HSF2BP: variants seen among roughly 807,000 people sequenced by gnomAD.
The protein encoded by HSF2BP is heat shock transcription factor 2 binding protein.
HSF2BP carries 35 observed loss-of-function variants against 35.0 expected under a neutral mutation model. That is an observed-to-expected ratio of 1.00 (90% confidence interval 0.76 to 1.32). The LOEUF is 1.32. Among genes scored for constraint, HSF2BP ranks in the 40% most tolerant of loss-of-function variants. The pLI, the probability that HSF2BP is intolerant of heterozygous loss-of-function variation, is 0.00. For missense variants in HSF2BP, 326 were observed against 321.7 expected (o/e 1.01, Z -0.10); for synonymous variants, 114 against 117.4 (o/e 0.97, Z 0.18).
At chr21:43,637,651 TA>T (rs1395753083) in intron 4 of HSF2BP, among the ~76,000 whole-genome samples, 6,561 of 141,792 alleles carry the variant, frequency 0.046, 453 homozygotes, top group African/African-American at 0.15. Flanking sequence ...TACAAAAACT[TA>T]AAAAAAAAAA....
chr21:43,614,229 T>C (rs1324616954), intron 6 of HSF2BP, among the ~76,000 whole-genome samples: 5 of 151,490 alleles, frequency 3.3e-5, no homozygotes, highest in African/African-American at 1.2e-4. Flanking sequence ...CCGGGCACGG[T>C]GTGTGCACCT....
intron 6 of HSF2BP, among the ~76,000 whole-genome samples, chr21:43,619,777 G>C (rs988189913): frequency 2.0e-5 from 3 of 152,250 alleles, no homozygotes; most frequent in African/African-American, 7.2e-5. Context: ...CAGAGGCAAA[G>C]TGGGGAAGCA....
rs187488912 is a variant in HSF2BP, at chr21:43,597,253, G to A, written c.693-4925C>T. ...GCTCAGGTATGAGTCAGGCAAAGCT[G>A]ACAGCCAGCTAGGACACACATAATT... On this transcript the variant is annotated intron_variant, in intron 7 of 8. Transcript: ENST00000291560. The surrounding 1 kb of genome is among the most constrained non-coding windows in gnomAD (Gnocchi z 4.3). 2.2e-3 allele frequency among the ~76,000 whole-genome samples: 338 copies of A among 152,250 alleles called. 3 individuals carry two copies. Among genetic ancestry groups the A allele is most frequent in the African/African-American group, 7.8e-3 (323 of 41,548 alleles).
rs760742267 is a variant in HSF2BP at position 43,656,617 on chromosome 21, T to C, written c.157A>G (p.Ser53Gly). The change falls in exon 3 of 9, where the codon AGC (serine) becomes GGC (glycine). Residue 53 changes from serine to glycine, a missense_variant. Physicochemically the swap from Ser to Gly is moderately conservative, Grantham distance 56 (BLOSUM62 0). Coordinates refer to ENST00000291560, the MANE Select transcript of HSF2BP (RefSeq NM_007031.2). ...PRILNGEVLE[S>G]FQKLKIVEKN... ...TCTACAATCTTTAATTTCTGGAAGC[T>C]CTCCAGCACCTCCCCATTTAGTATT... 4 of 1,609,884 alleles carry C rather than the reference T, an allele frequency of 2.5e-6. No individual in the cohort carries two copies. The highest frequency in any genetic ancestry group is 2.5e-6 in the Non-Finnish European group (3 of 1,179,068).
chr21:43,614,963 T>TC (rs2082253039), intron 6 of HSF2BP, among the ~76,000 whole-genome samples: 1 of 152,198 alleles, frequency 6.6e-6, no homozygotes, highest in African/African-American at 2.4e-5. Flanking sequence ...ACAGCAAGTA[T>TC]CCCATTTCTT....
At chr21:43,596,011 C>T (rs549345740) in intron 7 of HSF2BP, among the ~76,000 whole-genome samples, 7 of 152,014 alleles carry the variant, frequency 4.6e-5, no homozygotes, top group South Asian at 2.1e-4. Context: ...TGAGCCACCA[C>T]GCCCGGCAAG....
chr21:43,621,471 G>C (rs1372719256), intron 6 of HSF2BP, among the ~76,000 whole-genome samples: 1 of 151,974 alleles, frequency 6.6e-6, no homozygotes, highest in Non-Finnish European at 1.5e-5. Flanking sequence ...AGGCTGCAGT[G>C]AGCCGAGACT....
intron 6 of HSF2BP, among the ~76,000 whole-genome samples, chr21:43,618,961 A>G (rs2082302094): frequency 6.6e-6 from 1 of 151,988 alleles, no homozygotes; most frequent in Non-Finnish European, 1.5e-5. Context: ...AGAAAAAAAA[A>G]AAAGAAAAAA....
chr21:43,604,332 ACACAC>A (rs2146858329), intron 7 of HSF2BP, among the ~76,000 whole-genome samples: 1 of 141,536 alleles, frequency 7.1e-6, no homozygotes, highest in African/African-American at 2.7e-5. Context: ...CACCACACAC[ACACAC>A]ATCACGCACA....
rs1220763853 is a variant in HSF2BP, at chr21:43,601,806, TAC to T, written c.693-9480_693-9479del. Among the ~76,000 whole-genome samples, 6 of 152,344 alleles carry T rather than the reference TAC, an allele frequency of 3.9e-5. No homozygotes were observed. In the South Asian group the frequency reaches 1.2e-3, roughly 32 times the overall value. ...CTTAGGAATTTGAACATTATCTAGA[TAC>T]AGTTTGTCTTGAAAACATACTTCCT... On this transcript the variant is annotated intron_variant, in intron 7 of 8. Coordinates refer to ENST00000291560, the MANE Select transcript of HSF2BP (RefSeq NM_007031.2).
chr21:43,573,435 A>T (rs1339325391), intron 8 of HSF2BP, among the ~76,000 whole-genome samples: 1 of 152,236 alleles, frequency 6.6e-6, no homozygotes, highest in South Asian at 2.1e-4. Context: ...TAGAATGTAC[A>T]TAATTAGAAA....
At chr21:43,652,031 C>T (rs2082793734) in intron 3 of HSF2BP, among the ~76,000 whole-genome samples, 1 of 152,222 alleles carries the variant, frequency 6.6e-6, no homozygotes, top group African/African-American at 2.4e-5. Context: ...TATATCCACA[C>T]TCTAAAAGAA....
chr21:43,641,143 C>T (rs2082630995), intron 4 of HSF2BP, among the ~76,000 whole-genome samples: 1 of 152,168 alleles, frequency 6.6e-6, no homozygotes, highest in Admixed American at 6.5e-5. Context: ...CAGGCGCCCA[C>T]CACCACGCCT....
At chr21:43,621,891 C>T (rs1219629610) in intron 6 of HSF2BP, among the ~76,000 whole-genome samples, 4 of 152,110 alleles carry the variant, frequency 2.6e-5, no homozygotes, top group Non-Finnish European at 5.9e-5. Context: ...TAATACTGTA[C>T]TCATGATGTG....
intron 6 of HSF2BP, among the ~76,000 whole-genome samples, chr21:43,618,964 A>AT (rs1249956201): frequency 6.6e-6 from 1 of 151,830 alleles, no homozygotes; most frequent in Non-Finnish European, 1.5e-5. Context: ...AAAAAAAAAA[A>AT]GAAAAAATTA....
intron 3 of HSF2BP, among the ~76,000 whole-genome samples, chr21:43,650,864 C>T (rs919487563): frequency 6.6e-6 from 1 of 151,964 alleles, no homozygotes; most frequent in Non-Finnish European, 1.5e-5. Flanking sequence ...CATGCCATCA[C>T]ACCCGGCTAA....
chr21:43,598,949 G>A (rs982240179), intron 7 of HSF2BP, among the ~76,000 whole-genome samples: 3 of 152,144 alleles, frequency 2.0e-5, no homozygotes, highest in African/African-American at 4.8e-5. Context: ...GAGATCGTAC[G>A]ACCCCAAGAG....
At chr21:43,593,440 T>C (rs908563627) in intron 7 of HSF2BP, among the ~76,000 whole-genome samples, 2 of 152,108 alleles carry the variant, frequency 1.3e-5, no homozygotes, top group South Asian at 2.1e-4. Context: ...ACAAAAATCA[T>C]AATATGACGC....
intron 6 of HSF2BP, among the ~76,000 whole-genome samples, chr21:43,626,298 C>A (rs1464904766): frequency 2.6e-5 from 4 of 151,952 alleles, no homozygotes; most frequent in Admixed American, 1.3e-4. Context: ...ACTTTAACAG[C>A]AGAGAATTTT....
Sources: allele counts gnomAD v4.1 joint callset (sites outside exome capture counted in the v4.1 genomes callset), GRCh38; gene constraint gnomAD v4.1.1; non-coding constraint Gnocchi (gnomAD v3.1); transcripts MANE v1.5; gene names NCBI Gene and HGNC (gene_info 2026-07-23, HGNC 2026-07-21).